The following GPC6 variants were observed in gnomAD, a reference collection of about 807,000 sequenced individuals.
GPC6 encodes the protein glypican-6.
In GPC6, 14 loss-of-function variants were observed where a neutral mutation model predicts 55.2. The ratio of observed to expected loss-of-function variants is 0.25; its 90% CI spans 0.17 to 0.40. GPC6 has a LOEUF of 0.40. Among genes scored for constraint, GPC6 ranks in the 10% least tolerant of loss-of-function variants. The probability of loss-of-function intolerance (pLI) is 1.00; values close to 1 mark genes in which losing one functional copy is unlikely to be tolerated. For synonymous variants in GPC6, 278 were observed against 259.6 expected (o/e 1.07, Z -0.68); for missense variants, 641 against 708.5 (o/e 0.90, Z 1.08).
intron 3 of GPC6, among the ~76,000 whole-genome samples, chr13:93,861,892 G>A (rs940908137): frequency 6.6e-6 from 1 of 151,622 alleles, no homozygotes; most frequent in African/African-American, 2.4e-5. Context: ...AGTGTCGGAA[G>A]GTTATGCTTG....
chr13:93,600,082 C>T (rs1258515753), intron 2 of GPC6, among the ~76,000 whole-genome samples: 8 of 152,166 alleles, frequency 5.3e-5, no homozygotes, highest in East Asian at 1.9e-4. Context: ...TTTTAAATTA[C>T]GCTTTCTCAT....
chr13:93,219,828 TCAAA>T, the GPC6 span, among the ~76,000 whole-genome samples: 3 of 151,786 alleles, frequency 2.0e-5, no homozygotes, highest in South Asian at 2.1e-4. Flanking sequence ...ATCAAACAAG[TCAAA>T]CAATTTTGTA....
At chr13:93,742,364 T>C (rs771273678) in intron 2 of GPC6, among the ~76,000 whole-genome samples, 1 of 152,250 alleles carries the variant, frequency 6.6e-6, no homozygotes, top group South Asian at 2.1e-4. Flanking sequence ...CATTAAATGA[T>C]AGAGAGTTTG....
At chr13:94,158,240 A>G (rs1389537183) in intron 4 of GPC6, among the ~76,000 whole-genome samples, 1 of 152,174 alleles carries the variant, frequency 6.6e-6, no homozygotes, top group Non-Finnish European at 1.5e-5. Context: ...TTGAGATACT[A>G]GCTGTGAATC....
chr13:93,379,422 A>G (rs1210051012), intron 1 of GPC6, among the ~76,000 whole-genome samples: 2 of 152,206 alleles, frequency 1.3e-5, no homozygotes, highest in Non-Finnish European at 2.9e-5. Flanking sequence ...GATGGATGAA[A>G]ATAAGTGACC....
chr13:94,391,917 T>C (rs1213814797), intron 7 of GPC6, among the ~76,000 whole-genome samples: 2 of 152,250 alleles, frequency 1.3e-5, no homozygotes, highest in Non-Finnish European at 2.9e-5. Context: ...GTGACTGTCT[T>C]ATTTCACTTA....
intron 2 of GPC6, among the ~76,000 whole-genome samples, chr13:93,625,334 G>A (rs192481688): frequency 6.4e-4 from 97 of 152,270 alleles, no homozygotes; most frequent in African/African-American, 2.2e-3. Context: ...TAGCTTGAGA[G>A]TTATAAAAAA....
intron 4 of GPC6, among the ~76,000 whole-genome samples, chr13:94,224,931 C>T (rs538810822): frequency 1.3e-5 from 2 of 152,246 alleles, no homozygotes; most frequent in Admixed American, 1.3e-4. Context: ...AGGCATGCTT[C>T]ATCTCCTGTT....
intron 3 of GPC6, among the ~76,000 whole-genome samples, chr13:93,853,716 C>T (rs1888498888): frequency 6.6e-6 from 1 of 151,606 alleles, no homozygotes; most frequent in African/African-American, 2.4e-5. Flanking sequence ...TTCAAACTGC[C>T]TTCCCCAGAT....
At chr13:93,836,772 A>T (rs993491872) in intron 3 of GPC6, among the ~76,000 whole-genome samples, 1 of 152,176 alleles carries the variant, frequency 6.6e-6, no homozygotes, top group Admixed American at 6.5e-5. Context: ...TATTGGGACT[A>T]GGAACCATAA....
chr13:93,793,974 C>T (rs762238843), intron 2 of GPC6, among the ~76,000 whole-genome samples: 2 of 152,100 alleles, frequency 1.3e-5, no homozygotes, highest in African/African-American at 2.4e-5. Context: ...CTCTATTAAA[C>T]ATTTTCCATG....
intron 2 of GPC6, among the ~76,000 whole-genome samples, chr13:93,687,367 A>G (rs184637611): frequency 3.9e-4 from 59 of 152,236 alleles, no homozygotes; most frequent in African/African-American, 1.3e-3. Context: ...TAATGGCATT[A>G]CATAAATATT....
chr13:94,040,724 G>C (rs1004197362), intron 4 of GPC6, among the ~76,000 whole-genome samples: 5 of 151,792 alleles, frequency 3.3e-5, no homozygotes, highest in Non-Finnish European at 7.4e-5. Flanking sequence ...CAGTCTTCCA[G>C]TTTCTTCATA....
At chr13:93,530,916 G>C (rs1008209022) in intron 1 of GPC6, among the ~76,000 whole-genome samples, 2 of 152,108 alleles carry the variant, frequency 1.3e-5, no homozygotes, top group Non-Finnish European at 2.9e-5. Context: ...GGTATAATTT[G>C]GGAATTATAT....
intron 2 of GPC6, among the ~76,000 whole-genome samples, chr13:93,589,836 C>G (rs547657987): frequency 6.6e-6 from 1 of 152,264 alleles, no homozygotes; most frequent in African/African-American, 2.4e-5. Flanking sequence ...AAAATTAATC[C>G]TGATGACATC....
At chr13:93,613,396 A>G (rs1454201387) in intron 2 of GPC6, among the ~76,000 whole-genome samples, 2 of 152,172 alleles carry the variant, frequency 1.3e-5, no homozygotes, top group Non-Finnish European at 2.9e-5. Context: ...CTGAGAGTCA[A>G]CAAAGTCTGA....
intron 4 of GPC6, among the ~76,000 whole-genome samples, chr13:94,259,054 A>G (rs1025701461): frequency 1.3e-5 from 2 of 151,388 alleles, no homozygotes; most frequent in African/African-American, 4.9e-5. Flanking sequence ...AGAAGCCCCT[A>G]GCACACTGGA....
At chr13:93,966,725 A>G (rs1324745483) in intron 3 of GPC6, among the ~76,000 whole-genome samples, 1 of 138,262 alleles carries the variant, frequency 7.2e-6, no homozygotes, top group Non-Finnish European at 1.5e-5. Flanking sequence ...ATCATGGCTC[A>G]TTGCAGCCTC....
chr13:93,243,435 C>A (rs748563325), intron 1 of GPC6, among the ~76,000 whole-genome samples: 1 of 152,202 alleles, frequency 6.6e-6, no homozygotes, highest in Non-Finnish European at 1.5e-5. Flanking sequence ...GCCCTCTGAT[C>A]CCTCAGGCCA....
Sources: gnomAD v4.1 joint callset for allele counts (sites outside exome capture counted in the v4.1 genomes callset) on GRCh38, gnomAD v4.1.1 for gene constraint, MANE v1.5 for transcripts, NCBI Gene and HGNC (gene_info 2026-07-23, HGNC 2026-07-21) for gene names.